The following SLC44A5 variants were observed in gnomAD, a reference collection of about 807,000 sequenced individuals.
The protein encoded by SLC44A5 is choline transporter-like protein 5.
A neutral mutation model predicts 101.8 loss-of-function variants in SLC44A5; 57 were observed. The observed-to-expected ratio is 0.56, with a 90% CI of 0.45 to 0.70. The LOEUF is 0.70. SLC44A5 is among the 30% of genes least tolerant of loss of function. The pLI, the probability that SLC44A5 is intolerant of heterozygous loss-of-function variation, is 0.00. For synonymous variants in SLC44A5, 281 were observed against 290.9 expected (o/e 0.97, Z 0.35); for missense variants, 737 against 853.1 (o/e 0.86, Z 1.70).
intron 12 of SLC44A5, among the ~76,000 whole-genome samples, chr1:75,233,217 T>C (rs1167533748): frequency 6.6e-6 from 1 of 152,166 alleles, no homozygotes; most frequent in Non-Finnish European, 1.5e-5. Context: ...AAAAATTGTA[T>C]TTGTATAAAT....
chr1:75,625,511 CA>C, the SLC44A5 span, among the ~76,000 whole-genome samples: 1 of 152,032 alleles, frequency 6.6e-6, no homozygotes, highest in African/African-American at 2.4e-5. Context: ...TTTCGCAGGC[CA>C]AAAATACTAT....
In SLC44A5 at chr1:75,214,462, G is replaced by A. The variant is rs532922513; in HGVS notation, c.1802+143C>T. 7.2e-4 allele frequency: 444 copies of A among 613,764 alleles called. 3 individuals carry two copies. Among genetic ancestry groups the A allele is most frequent in the Non-Finnish European group, 4.8e-5 (18 of 372,044 alleles). The allele number at this position is 613,764 out of a possible 1,614,324, so 38.0% of individuals were successfully genotyped here. ...ATATGAAAATAAATTAATGGTATGA[G>A]AGAGAATATTTAAATCTATCAAGTT... On this transcript the variant is annotated intron_variant, in intron 20 of 23. Transcript: ENST00000370859.
rs1410409222 is a variant in SLC44A5 at position 75,203,605 on chromosome 1, C to T, written c.*122G>A. 25 of 1,222,048 alleles carry T rather than the reference C, an allele frequency of 2.0e-5. No homozygotes were observed. In the South Asian group the frequency reaches 4.2e-4, roughly 21 times the overall value. The allele number at this position is 1,222,048 out of a possible 1,614,324, so 75.7% of individuals were successfully genotyped here. ...AGCTTTGGTATAAAACATGCAAATG[C>T]AAGCCAACAAGGTCGTGAATACAGT... On this transcript the variant is annotated 3_prime_UTR_variant, in exon 24 of 24. Transcript: ENST00000370859.
At chr1:75,639,450 C>T in the SLC44A5 span, among the ~76,000 whole-genome samples, 1 of 152,084 alleles carries the variant, frequency 6.6e-6, no homozygotes, top group East Asian at 1.9e-4. Context: ...AATACTACCT[C>T]TCTCAAATCT....
At chr1:75,231,537 T>C (rs1647573692) in intron 12 of SLC44A5, among the ~76,000 whole-genome samples, 1 of 152,168 alleles carries the variant, frequency 6.6e-6, no homozygotes, top group Admixed American at 6.6e-5. Flanking sequence ...AATTATGATC[T>C]CTGGACTTCA....
the SLC44A5 span, among the ~76,000 whole-genome samples, chr1:75,674,730 T>C: frequency 6.6e-6 from 1 of 151,508 alleles, no homozygotes; most frequent in Non-Finnish European, 1.5e-5. Context: ...ATCTAGAAAA[T>C]AGCCTCAAAA....
intron 2 of SLC44A5, among the ~76,000 whole-genome samples, chr1:75,453,163 C>A (rs983761104): frequency 2.6e-5 from 4 of 151,874 alleles, no homozygotes; most frequent in Non-Finnish European, 5.9e-5. Context: ...AATAAATTTT[C>A]AAAAACTGAA....
At chr1:75,373,333 C>T (rs971933811) in intron 3 of SLC44A5, among the ~76,000 whole-genome samples, 6 of 152,122 alleles carry the variant, frequency 3.9e-5, no homozygotes, top group African/African-American at 1.4e-4. Context: ...TGGCCCTCAA[C>T]AGGTCCTAAG....
chr1:75,516,906 T>C (rs1669870245), intron 2 of SLC44A5, among the ~76,000 whole-genome samples: 1 of 152,188 alleles, frequency 6.6e-6, no homozygotes, highest in Non-Finnish European at 1.5e-5. Context: ...GTATCTCCCA[T>C]TATAAGTCTC....
chr1:75,285,999 T>C (rs561619203), intron 5 of SLC44A5, among the ~76,000 whole-genome samples: 26 of 152,218 alleles, frequency 1.7e-4, no homozygotes, highest in Non-Finnish European at 2.8e-4. Flanking sequence ...TGTTCTAGGA[T>C]ATAGTTTAAG....
rs747240515 is a variant in SLC44A5 at position 75,602,963 on chromosome 1, T to TAGA, written c.-70+8076_-70+8077insTCT. Among the ~76,000 whole-genome samples, 347 of 152,232 alleles carry TAGA rather than the reference T, an allele frequency of 2.3e-3. 2 individuals carry two copies. Among genetic ancestry groups the TAGA allele is most frequent in the Non-Finnish European group, 6.6e-4 (45 of 67,998 alleles). On this transcript the variant is annotated intron_variant, in intron 1 of 23. Coordinates refer to ENST00000370859, the MANE Select transcript of SLC44A5 (RefSeq NM_001130058.2). ...TAAAATGTAAATTTATTTATGTATA[T>TAGA]TTAATTTGGGTTTGAGAGTTTTTCA...
In SLC44A5 at chr1:75,317,135, G is replaced by A. The variant is rs557137759; in HGVS notation, c.102-16450C>T. Among the ~76,000 whole-genome samples the A allele has an allele frequency of 2.6e-5, 4 of 152,344 alleles. No individual in the cohort carries two copies. The South Asian group carries it at 6.2e-4, about 24-fold the overall frequency. ...TTAAAAGTACGATTTTAAACCAAGA[G>A]ACTATGTATGTTCCAATCTTTCAAT... On this transcript the variant is annotated intron_variant, in intron 4 of 23. Coordinates refer to ENST00000370859, the MANE Select transcript of SLC44A5 (RefSeq NM_001130058.2).
chr1:75,494,651 T>C (rs552451417), intron 2 of SLC44A5, among the ~76,000 whole-genome samples: 1 of 152,168 alleles, frequency 6.6e-6, no homozygotes, highest in Non-Finnish European at 1.5e-5. Flanking sequence ...AGCTGGTCTC[T>C]AGCCACCTTT....
chr1:75,703,210 CAT>C, the SLC44A5 span, among the ~76,000 whole-genome samples: 1 of 151,608 alleles, frequency 6.6e-6, no homozygotes. Context: ...CACATGCACA[CAT>C]ATGTTTATTG....
the SLC44A5 span, among the ~76,000 whole-genome samples, chr1:75,631,028 T>A: frequency 6.6e-6 from 1 of 152,216 alleles, no homozygotes; most frequent in African/African-American, 2.4e-5. Context: ...GCAGTGTCTA[T>A]TTAGGGTATT....
the SLC44A5 span, among the ~76,000 whole-genome samples, chr1:75,679,380 C>T: frequency 6.6e-6 from 1 of 152,138 alleles, no homozygotes; most frequent in Non-Finnish European, 1.5e-5. Flanking sequence ...GGGTTACCCT[C>T]AAAGGGAAGC....
intron 7 of SLC44A5, among the ~76,000 whole-genome samples, chr1:75,246,676 C>T (rs970043987): frequency 6.6e-6 from 1 of 152,084 alleles, no homozygotes; most frequent in South Asian, 2.1e-4. Flanking sequence ...GGAGTGGCTG[C>T]GTGGGATTCT....
intron 6 of SLC44A5, among the ~76,000 whole-genome samples, chr1:75,261,294 A>G (rs1472023389): frequency 1.3e-5 from 2 of 152,148 alleles, no homozygotes; most frequent in Non-Finnish European, 2.9e-5. Context: ...AGAAGAAAAG[A>G]GAGAAGAATC....
the SLC44A5 span, among the ~76,000 whole-genome samples, chr1:75,700,073 C>G: frequency 6.6e-6 from 1 of 152,064 alleles, no homozygotes; most frequent in Non-Finnish European, 1.5e-5. Flanking sequence ...TTTAACACCC[C>G]GCTGTCAACA....
Sources: allele counts gnomAD v4.1 joint callset (sites outside exome capture counted in the v4.1 genomes callset), GRCh38; gene constraint gnomAD v4.1.1; transcripts MANE v1.5; gene names NCBI Gene and HGNC (gene_info 2026-07-23, HGNC 2026-07-21).